The following FAM135A variants were observed in gnomAD, a reference collection of about 807,000 sequenced individuals.
FAM135A encodes the protein family with sequence similarity 135 member A.
Under a neutral mutation model 146.8 loss-of-function variants are expected in FAM135A, and 79 were observed. That is an observed-to-expected ratio of 0.54 (90% CI 0.45 to 0.65). FAM135A has a LOEUF of 0.65. Ranked by LOEUF, FAM135A falls within the 30% of genes least tolerant of loss-of-function variation. The pLI, the probability that FAM135A is intolerant of heterozygous loss-of-function variation, is 0.00. For missense variants in FAM135A, 1,623 were observed against 1,758.2 expected, an observed-to-expected ratio of 0.92 and a Z score of 1.38; for synonymous variants, 562 against 603.6, an observed-to-expected ratio of 0.93 and a Z score of 1.01.
chr6:70,448,752 A>G (rs754092592), intron 4 of FAM135A, among the ~76,000 whole-genome samples: 5 of 152,236 alleles, frequency 3.3e-5, no homozygotes, highest in Non-Finnish European at 7.3e-5. Context: ...AACTAAAAGT[A>G]TCCCTTATGG....
chr6:70,504,146 T>G (rs1158569635), intron 12 of FAM135A: 1 of 152,196 alleles, frequency 6.6e-6, no homozygotes, highest in Non-Finnish European at 1.5e-5. Flanking sequence ...ACTGGCAAGC[T>G]TTTTAAACTT....
chr6:70,502,784 C>G lies in FAM135A; in HGVS notation c.1022C>G (p.Thr341Ser), dbSNP rs1349153493. 3 of 1,607,766 alleles carry G rather than the reference C, an allele frequency of 1.9e-6. No homozygotes were observed. Among genetic ancestry groups the G allele is most frequent in the Non-Finnish European group, 2.5e-6 (3 of 1,177,192 alleles). ...ATATTATTAGCACAAGAGCACCATA[C>G]TTTGAGGGTAAGTTAAAGAGAAGTG... ...LRILLAQEHH[T>S]LRVRRFSEAF... Residue 341 changes from threonine to serine, a missense_variant, in exon 12 of 22, where the codon ACT becomes AGT. Physicochemically the swap from Thr to Ser is moderately conservative, Grantham distance 58. This residue lies in a region of FAM135A where 206 missense variants were observed against 194.7 expected (regional missense o/e 1.06). Coordinates refer to ENST00000418814, the MANE Select transcript of FAM135A (RefSeq NM_001162529.3).
chr6:70,421,638 G>C (rs931833044), intron 2 of FAM135A, among the ~76,000 whole-genome samples: 1 of 152,238 alleles, frequency 6.6e-6, no homozygotes, highest in South Asian at 2.1e-4. Context: ...TCCCCCTCTA[G>C]CTTTTTTGGA....
chr6:70,547,962 A>G (rs1799141272), intron 20 of FAM135A, among the ~76,000 whole-genome samples: 1 of 152,214 alleles, frequency 6.6e-6, no homozygotes, highest in Non-Finnish European at 1.5e-5. Flanking sequence ...TGAAGTATTC[A>G]CCCACGGACT....
chr6:70,464,667 C>CTTTTTTTTTTTT (rs533623758), intron 5 of FAM135A, among the ~76,000 whole-genome samples: 5 of 99,374 alleles, frequency 5.0e-5, no homozygotes, highest in East Asian at 2.3e-4. Context: ...TCTTTTTTTT[C>CTTTTTTTTTTTT]TTTTTTTTTT....
At chr6:70,513,563 G>T (rs373343605) in intron 12 of FAM135A, among the ~76,000 whole-genome samples, 2 of 151,478 alleles carry the variant, frequency 1.3e-5, no homozygotes. Context: ...TCTAAAACCT[G>T]CTTTTGTAGT....
In FAM135A at chr6:70,526,385, G is replaced by A; in HGVS notation, c.3301G>A (p.Glu1101Lys). The A allele has an allele frequency of 6.2e-7, 1 of 1,613,580 alleles. No homozygotes were observed. The highest frequency in any genetic ancestry group is 8.5e-7 in the Non-Finnish European group (1 of 1,179,688). ...ACAAATGGTTCAAAATGGGTACTAT[G>A]AAGAAACAGATTATTCAGCTTTGGA... ...DQQMVQNGYY[E>K]ETDYSALDGT... is the part of the protein sequence containing the mutation. The change falls in exon 15 of 22, where the codon GAA becomes AAA. Residue 1101 changes from glutamate (E) to lysine (K), a missense_variant. Around this residue, in one of 7 missense-constraint regions of FAM135A, gnomAD observed 1,061 missense variants for 1,113.8 expected, o/e 0.95. Transcript: ENST00000418814.
rs928845999 is a variant in FAM135A, at chr6:70,545,705, A to G, written c.4228+7304A>G. Among the ~76,000 whole-genome samples the G allele has an allele frequency of 2.6e-5, 4 of 152,348 alleles. No homozygotes were observed. In the South Asian group the frequency reaches 8.3e-4, roughly 32 times the overall value. Reference sequence around the variant, plus strand: ...GGAAAAATAATAATAGCTAATACACATGTAACATTTACCACGTTCTAGGTG... The same window carrying G: ...GGAAAAATAATAATAGCTAATACACGTGTAACATTTACCACGTTCTAGGTG... On this transcript the variant is annotated intron_variant, in intron 20 of 21. Coordinates refer to ENST00000418814, the MANE Select transcript of FAM135A (RefSeq NM_001162529.3).
intron 5 of FAM135A, among the ~76,000 whole-genome samples, chr6:70,465,453 G>T (rs757260776): frequency 6.6e-6 from 1 of 151,936 alleles, no homozygotes; most frequent in Non-Finnish European, 1.5e-5. Context: ...ACAGGGTCTC[G>T]TTCTGTCATC....
chr6:70,489,127 A>G (rs571535150), intron 10 of FAM135A, among the ~76,000 whole-genome samples: 9 of 152,184 alleles, frequency 5.9e-5, no homozygotes, highest in Admixed American at 2.0e-4. Flanking sequence ...CTAATTTTTA[A>G]AAATCAGAGG....
intron 12 of FAM135A, among the ~76,000 whole-genome samples, chr6:70,514,167 CTTGTTTTTCAGCAATT>C (rs1488106725): frequency 6.6e-6 from 1 of 152,018 alleles, no homozygotes; most frequent in Non-Finnish European, 1.5e-5. Context: ...ATTTGATACT[CTTGTTTTTCAGCAATT>C]TATCCTCTAT....
chr6:70,508,758 A>C (rs938321901), intron 12 of FAM135A, among the ~76,000 whole-genome samples: 1 of 152,234 alleles, frequency 6.6e-6, no homozygotes, highest in African/African-American at 2.4e-5. Flanking sequence ...TAGGGTTGCC[A>C]GATGAAATGC....
chr6:70,437,944 A>T (rs1164053195), intron 4 of FAM135A, among the ~76,000 whole-genome samples: 2 of 152,132 alleles, frequency 1.3e-5, no homozygotes, highest in Non-Finnish European at 2.9e-5. Flanking sequence ...GCAAGAAAAA[A>T]TTTTTAATCA....
At chr6:70,516,213 G>T (rs959658539) in intron 12 of FAM135A, among the ~76,000 whole-genome samples, 1 of 152,152 alleles carries the variant, frequency 6.6e-6, no homozygotes, top group Non-Finnish European at 1.5e-5. Context: ...TGGGAACTTA[G>T]ATCAGTGCTG....
chr6:70,522,626 CT>C, intron 13 of FAM135A, 40 bp downstream of exon 13: 1 of 1,484,394 alleles, frequency 6.7e-7, no homozygotes. Flanking sequence ...ATATTACTTC[CT>C]TTTACATAAG....
At chr6:70,458,315 T>C (rs1158595378) in intron 5 of FAM135A, among the ~76,000 whole-genome samples, 1 of 152,210 alleles carries the variant, frequency 6.6e-6, no homozygotes, top group Non-Finnish European at 1.5e-5. Flanking sequence ...ACCTGTCATG[T>C]CTGAAATGTG....
intron 2 of FAM135A, chr6:70,417,698 A>G: frequency 2.3e-6 from 2 of 862,376 alleles, no homozygotes; most frequent in Non-Finnish European, 2.8e-6. Context: ...TGATGTCTTC[A>G]GATTGCCAGC....
At chr6:70,414,856 A>G (rs9446243) in intron 1 of FAM135A, among the ~76,000 whole-genome samples, 3,879 of 152,344 alleles carry the variant, frequency 0.025, 171 homozygotes, top group African/African-American at 0.089. Context: ...AAGACTTGTT[A>G]AAGGTTGACC....
At chr6:70,502,840 C>T (rs768145264) in intron 12 of FAM135A, 49 bp downstream of exon 12, 1 of 1,534,458 alleles carries the variant, frequency 6.5e-7, no homozygotes, top group Non-Finnish European at 8.8e-7. Context: ...GTATTATTTA[C>T]CTTTAGAAAA....
Sources: allele counts gnomAD v4.1 joint callset (sites outside exome capture counted in the v4.1 genomes callset), GRCh38; gene constraint gnomAD v4.1.1; regional missense constraint gnomAD v4.1.1; transcripts MANE v1.5; gene names NCBI Gene and HGNC (gene_info 2026-07-23, HGNC 2026-07-21).